The following PLXDC2 variants were observed in gnomAD, a reference collection of about 807,000 sequenced individuals.
PLXDC2 encodes the protein plexin domain containing 2.
A neutral mutation model predicts 68.9 loss-of-function variants in PLXDC2; 40 were observed. That is an observed-to-expected ratio of 0.58 (90% CI 0.45 to 0.76). The LOEUF (loss-of-function observed/expected upper bound fraction) is 0.76, where lower values mean the gene tolerates loss of function less well. Among genes scored for constraint, PLXDC2 ranks in the 30% least tolerant of loss-of-function variants. The probability of loss-of-function intolerance (pLI) is 0.00; values close to 1 mark genes in which losing one functional copy is unlikely to be tolerated. For missense variants in PLXDC2, 644 were observed against 661.9 expected (o/e 0.97, Z 0.30); for synonymous variants, 243 against 234.2 (o/e 1.04, Z -0.34).
rs558515018 is a variant in PLXDC2, at chr10:20,092,186, C to T, written c.541+23947C>T. Among the ~76,000 whole-genome samples, 246 of 152,108 alleles carry T rather than the reference C, an allele frequency of 1.6e-3. 1 individual carries two copies. Among genetic ancestry groups the T allele is most frequent in the African/African-American group, 4.8e-3 (200 of 41,490 alleles). On this transcript the variant is annotated intron_variant, in intron 4 of 13. Coordinates refer to ENST00000377252, the MANE Select transcript of PLXDC2 (RefSeq NM_032812.9). ...GTTCTGTAATGTATTTATGAAATAC[C>T]GCATAAGTAATTGAGGGGCAGGGCT...
At chr10:20,167,145 A>G (rs1304092991) in intron 7 of PLXDC2, among the ~76,000 whole-genome samples, 4 of 152,302 alleles carry the variant, frequency 2.6e-5, no homozygotes, top group Non-Finnish European at 5.9e-5. Context: ...TTGCTGTTAG[A>G]TGCGACTATA....
intron 13 of PLXDC2, among the ~76,000 whole-genome samples, chr10:20,275,503 C>T (rs1398714057): frequency 2.0e-5 from 3 of 152,080 alleles, no homozygotes; most frequent in Non-Finnish European, 4.4e-5. Flanking sequence ...GGGGAGCGCA[C>T]GCAAGCAAGG....
chr10:19,862,359 C>A (rs531906370), intron 1 of PLXDC2, among the ~76,000 whole-genome samples: 2 of 152,072 alleles, frequency 1.3e-5, no homozygotes, highest in Non-Finnish European at 1.5e-5. Context: ...CAAGGAGTAA[C>A]AATTTTATGT....
At chr10:20,268,135 C>T (rs949595052) in intron 13 of PLXDC2, among the ~76,000 whole-genome samples, 1 of 152,122 alleles carries the variant, frequency 6.6e-6, no homozygotes, top group Admixed American at 6.6e-5. Flanking sequence ...CTCTAAATTA[C>T]ATATTAACTT....
chr10:19,941,750 T>G (rs1054924975), intron 1 of PLXDC2, among the ~76,000 whole-genome samples: 4 of 152,166 alleles, frequency 2.6e-5, no homozygotes, highest in African/African-American at 9.7e-5. Flanking sequence ...GGCCATAGGT[T>G]TTCTTTTCCT....
chr10:20,206,084 A>T (rs1238257046), intron 9 of PLXDC2, among the ~76,000 whole-genome samples: 1 of 152,156 alleles, frequency 6.6e-6, no homozygotes, highest in Non-Finnish European at 1.5e-5. Flanking sequence ...AATTAGCTTT[A>T]TGTAATCTTT....
chr10:19,971,580 A>T (rs1834354215), intron 1 of PLXDC2, among the ~76,000 whole-genome samples: 1 of 152,158 alleles, frequency 6.6e-6, no homozygotes. Context: ...AAATTCTTGG[A>T]TAAAGACAAA....
chr10:19,935,688 T>C (rs1452025593), intron 1 of PLXDC2, among the ~76,000 whole-genome samples: 1 of 152,222 alleles, frequency 6.6e-6, no homozygotes, highest in Admixed American at 6.5e-5. Flanking sequence ...TTTAAAGTCC[T>C]GTTCACAATA....
chr10:19,991,949 G>A (rs1834758526), intron 1 of PLXDC2, among the ~76,000 whole-genome samples: 1 of 152,186 alleles, frequency 6.6e-6, no homozygotes, highest in Non-Finnish European at 1.5e-5. Flanking sequence ...TTTTCATGCA[G>A]TGGGACTTAC....
intron 13 of PLXDC2, among the ~76,000 whole-genome samples, chr10:20,262,784 TA>T (rs1835825667): frequency 1.3e-5 from 2 of 152,222 alleles, no homozygotes; most frequent in African/African-American, 4.8e-5. Flanking sequence ...GCCCCAAGCA[TA>T]CCACAGCAGC....
intron 1 of PLXDC2, among the ~76,000 whole-genome samples, chr10:19,947,136 A>G (rs72785850): frequency 0.05 from 7,637 of 152,312 alleles, 249 homozygotes; most frequent in Middle Eastern, 0.095. Context: ...AATGACCTAT[A>G]GAAGCTAAAA....
intron 12 of PLXDC2, among the ~76,000 whole-genome samples, chr10:20,220,437 G>C (rs184284037): frequency 6.6e-6 from 1 of 151,912 alleles, no homozygotes; most frequent in South Asian, 2.1e-4. Flanking sequence ...TAATATGGGT[G>C]GTCATTATAT....
At chr10:20,215,957 A>G (rs1450562831) in intron 10 of PLXDC2, among the ~76,000 whole-genome samples, 2 of 152,074 alleles carry the variant, frequency 1.3e-5, no homozygotes, top group Non-Finnish European at 2.9e-5. Context: ...CAATGCTGCC[A>G]AGTGGTATGC....
chr10:20,114,620 T>C (rs1475814804), intron 4 of PLXDC2, among the ~76,000 whole-genome samples: 3 of 152,188 alleles, frequency 2.0e-5, no homozygotes, highest in Non-Finnish European at 4.4e-5. Flanking sequence ...CTTCTGGGTT[T>C]GTGGAGAATG....
intron 12 of PLXDC2, among the ~76,000 whole-genome samples, chr10:20,230,162 T>C (rs1835342094): frequency 2.0e-5 from 3 of 152,190 alleles, no homozygotes; most frequent in Admixed American, 2.0e-4. Context: ...TCACACTGAC[T>C]TTTAAGAAAG....
chr10:20,239,629 G>A (rs752512752), intron 12 of PLXDC2, among the ~76,000 whole-genome samples: 3 of 152,106 alleles, frequency 2.0e-5, no homozygotes, highest in Admixed American at 6.6e-5. Flanking sequence ...CTCTCAACAC[G>A]TGGGGATTAC....
At chr10:19,971,802 A>T (rs1490695440) in intron 1 of PLXDC2, among the ~76,000 whole-genome samples, 1 of 152,050 alleles carries the variant, frequency 6.6e-6, no homozygotes, top group Non-Finnish European at 1.5e-5. Flanking sequence ...TAACAAGTCG[A>T]CTCAGCCCAT....
chr10:20,209,089 G>T (rs1022234975), intron 9 of PLXDC2, among the ~76,000 whole-genome samples: 1 of 152,112 alleles, frequency 6.6e-6, no homozygotes, highest in Non-Finnish European at 1.5e-5. Flanking sequence ...GAAGTTTCGG[G>T]CACGCATTGT....
intron 1 of PLXDC2, among the ~76,000 whole-genome samples, chr10:19,834,589 T>C (rs1482965188): frequency 2.6e-5 from 4 of 152,224 alleles, no homozygotes; most frequent in African/African-American, 7.2e-5. Context: ...CTTTTCAAGC[T>C]TCCCAAATTA....
Sources: allele counts gnomAD v4.1 joint callset (sites outside exome capture counted in the v4.1 genomes callset), GRCh38; gene constraint gnomAD v4.1.1; transcripts MANE v1.5; gene names NCBI Gene and HGNC (gene_info 2026-07-23, HGNC 2026-07-21).